RGS7: variants seen among roughly 807,000 people sequenced by gnomAD.
RGS7 encodes regulator of G protein signaling 7, also known as regulator of G-protein signaling 7.
RGS7 carries 27 observed loss-of-function variants against 81.1 expected under a neutral mutation model. The ratio of observed to expected loss-of-function variants is 0.33; its 90% CI spans 0.25 to 0.46. RGS7 has a LOEUF of 0.46. RGS7 is among the 20% of genes least tolerant of loss of function. The probability of loss-of-function intolerance (pLI) is 1.00; values close to 1 mark genes in which losing one functional copy is unlikely to be tolerated. For missense variants in RGS7, 396 were observed against 607.4 expected (o/e 0.65, Z 3.66); for synonymous variants, 208 against 207.7 (o/e 1.00, Z -0.01).
At chr1:241,307,640 T>TAATTA (rs1225576876) in intron 2 of RGS7, among the ~76,000 whole-genome samples, 2 of 152,124 alleles carry the variant, frequency 1.3e-5, no homozygotes, top group Non-Finnish European at 2.9e-5. Context: ...GGCCTTTTAA[T>TAATTA]AGGCCCTATT....
chr1:241,009,763 G>A (rs1404751905), intron 3 of RGS7, among the ~76,000 whole-genome samples: 1 of 152,156 alleles, frequency 6.6e-6, no homozygotes, highest in Non-Finnish European at 1.5e-5. Context: ...GCAAATTGTT[G>A]GAAGGAGAGT....
chr1:240,821,162 T>C (rs561140803), intron 10 of RGS7, among the ~76,000 whole-genome samples: 7 of 152,010 alleles, frequency 4.6e-5, no homozygotes, highest in Non-Finnish European at 1.0e-4. Flanking sequence ...ATCAGAAAAG[T>C]CCCCTCTTGG....
intron 2 of RGS7, among the ~76,000 whole-genome samples, chr1:241,127,175 T>C (rs1205322002): frequency 2.0e-5 from 3 of 152,102 alleles, no homozygotes; most frequent in Non-Finnish European, 2.9e-5. Context: ...CCTGAGGAGG[T>C]AACTGAGTCT....
At chr1:240,799,367 A>C (rs1161168230) in intron 18 of RGS7, among the ~76,000 whole-genome samples, 1 of 129,272 alleles carries the variant, frequency 7.7e-6, no homozygotes, top group South Asian at 2.4e-4. Flanking sequence ...TTTTTTTTCC[A>C]CTTCTCTTTA....
At chr1:241,182,811 G>A (rs527635404) in intron 2 of RGS7, among the ~76,000 whole-genome samples, 1 of 142,066 alleles carries the variant, frequency 7.0e-6, no homozygotes, top group African/African-American at 2.5e-5. Context: ...ACCATACCGG[G>A]TTAATTTTTC....
intron 3 of RGS7, among the ~76,000 whole-genome samples, chr1:241,081,701 CTT>C (rs994889861): frequency 3.9e-5 from 6 of 152,150 alleles, no homozygotes; most frequent in Admixed American, 2.6e-4. Flanking sequence ...TTCTTGGAGT[CTT>C]TTTCAGAGAG....
intron 3 of RGS7, among the ~76,000 whole-genome samples, chr1:241,065,668 G>GAATT (rs2062019582): frequency 6.6e-6 from 1 of 152,030 alleles, no homozygotes; most frequent in Non-Finnish European, 1.5e-5. Context: ...ATTACTTATG[G>GAATT]TTATTCTTAA....
intron 3 of RGS7, among the ~76,000 whole-genome samples, chr1:241,063,575 T>G (rs1165943526): frequency 6.6e-6 from 1 of 152,188 alleles, no homozygotes; most frequent in Non-Finnish European, 1.5e-5. Flanking sequence ...CAGGATTTAT[T>G]TATTTGTGGG....
intron 3 of RGS7, among the ~76,000 whole-genome samples, chr1:241,050,620 T>C (rs2061196885): frequency 6.6e-6 from 1 of 152,116 alleles, no homozygotes; most frequent in African/African-American, 2.4e-5. Flanking sequence ...CAGGTCTGCT[T>C]ATCCCTGGAT....
chr1:241,350,226 A>G (rs1304644772), intron 2 of RGS7, among the ~76,000 whole-genome samples: 1 of 152,234 alleles, frequency 6.6e-6, no homozygotes, highest in African/African-American at 2.4e-5. Flanking sequence ...ATCAAGAAAT[A>G]TCATCATGGA....
intron 2 of RGS7, among the ~76,000 whole-genome samples, chr1:241,150,739 G>A (rs753860297): frequency 2.0e-5 from 3 of 152,170 alleles, no homozygotes; most frequent in Non-Finnish European, 2.9e-5. Flanking sequence ...ATTTATTAGG[G>A]GAATGGAGTC....
chr1:240,854,336 G>A (rs1224825806), intron 9 of RGS7, among the ~76,000 whole-genome samples: 2 of 152,072 alleles, frequency 1.3e-5, no homozygotes, highest in Non-Finnish European at 2.9e-5. Flanking sequence ...TTTGCTTAAT[G>A]TCATACAAAT....
At chr1:241,174,192 G>T (rs2070939757) in intron 2 of RGS7, among the ~76,000 whole-genome samples, 1 of 152,200 alleles carries the variant, frequency 6.6e-6, no homozygotes. Context: ...ATAATTCTTA[G>T]CAGTTCTAGG....
chr1:240,843,453 A>G (rs936947661), intron 9 of RGS7, among the ~76,000 whole-genome samples: 1 of 151,910 alleles, frequency 6.6e-6, no homozygotes, highest in African/African-American at 2.4e-5. Context: ...TTTTGTAGGG[A>G]TGAGGTTTTG....
At chr1:241,142,604 G>A (rs534162425) in intron 2 of RGS7, among the ~76,000 whole-genome samples, 184 of 152,284 alleles carry the variant, frequency 1.2e-3, no homozygotes, top group Non-Finnish European at 2.0e-3. Flanking sequence ...TGAAGGACAA[G>A]TCCCTAGGCT....
At chr1:241,231,639 G>A (rs571403640) in intron 2 of RGS7, among the ~76,000 whole-genome samples, 3 of 152,034 alleles carry the variant, frequency 2.0e-5, no homozygotes, top group East Asian at 1.9e-4. Flanking sequence ...GATTACAGGC[G>A]TGAGCCACCA....
At chr1:241,313,320 G>A (rs2080664987) in intron 2 of RGS7, among the ~76,000 whole-genome samples, 1 of 152,220 alleles carries the variant, frequency 6.6e-6, no homozygotes, top group Non-Finnish European at 1.5e-5. Flanking sequence ...TTCATAGCTA[G>A]AGAGGAGATG....
intron 2 of RGS7, among the ~76,000 whole-genome samples, chr1:241,235,126 CT>C (rs752842428): frequency 2.6e-5 from 4 of 152,106 alleles, no homozygotes; most frequent in Non-Finnish European, 5.9e-5. Context: ...CTGTAATTGA[CT>C]ATAATAATAG....
rs575812422 is a variant in RGS7 at position 241,016,131 on chromosome 1, G to A, written c.176-33002C>T. Among the ~76,000 whole-genome samples the A allele has an allele frequency of 8.5e-5, 13 of 152,344 alleles. No individual in the cohort carries two copies. The South Asian group carries it at 2.1e-3, about 24-fold the overall frequency. On this transcript the variant is annotated intron_variant, in intron 3 of 18. Transcript: ENST00000440928. ...TTGGCAGAAATCCTGTGTGGGGTGT[G>A]AGGTACGATGGGATAACATGGATGT...
Sources: gnomAD v4.1 joint callset for allele counts (sites outside exome capture counted in the v4.1 genomes callset) on GRCh38, gnomAD v4.1.1 for gene constraint, MANE v1.5 for transcripts, NCBI Gene and HGNC (gene_info 2026-07-23, HGNC 2026-07-21) for gene names.